Variants in PPRC1 observed in about 807,000 individuals in gnomAD.
The protein encoded by PPRC1 is peroxisome proliferator-activated receptor gamma coactivator-related protein 1.
In PPRC1, 23 loss-of-function variants were observed where a neutral mutation model predicts 132.5. The observed-to-expected ratio is 0.17, with a 90% CI of 0.12 to 0.25. The LOEUF is 0.25. PPRC1 is among the 10% of genes least tolerant of loss of function. PPRC1 has a pLI of 1.00. For synonymous variants in PPRC1, 872 were observed against 833.5 expected, an observed-to-expected ratio of 1.05 and a Z score of -0.80; for missense variants, 2,006 against 2,089.1, an observed-to-expected ratio of 0.96 and a Z score of 0.78.
rs2133625831 is a variant in PPRC1, at chr10:102,138,784, G to A, written c.489+19G>A. 9 of 1,614,106 alleles carry A rather than the reference G, an allele frequency of 5.6e-6. No individual in the cohort carries two copies. The highest frequency in any genetic ancestry group is 7.6e-6 in the Non-Finnish European group (9 of 1,179,962). ...CTCCTCTGTGAGTGTGGGACCAGGG[G>A]AAGGGGATTAGTACAAAGTTTAGAC... is the stretch of plus-strand genomic sequence containing the variant. On this transcript the variant is annotated intron_variant, in intron 3 of 13. Transcript: ENST00000278070.
At chr10:102,123,567 G>A in the PPRC1 span, among the ~76,000 whole-genome samples, 7 of 151,902 alleles carry the variant, frequency 4.6e-5, no homozygotes, top group African/African-American at 2.4e-5. Context: ...TTGCGCTGTC[G>A]CCCAAGCTGG....
In PPRC1 at chr10:102,141,567, G is replaced by C. The variant is rs1389539326; in HGVS notation, c.3059G>C (p.Gly1020Ala). The C allele has an allele frequency of 6.2e-7, 1 of 1,614,030 alleles. No individual in the cohort carries two copies. Among genetic ancestry groups the C allele is most frequent in the Non-Finnish European group, 8.5e-7 (1 of 1,179,970 alleles). ...AVPQPKMESR[G>A]TPAGPPENVL... Reference sequence around the variant, plus strand: ...CCCCAACCTAAAATGGAGTCTAGGGGCACTCCAGCTGGCCCTCCTGAAAAT... The same window carrying C: ...CCCCAACCTAAAATGGAGTCTAGGGCCACTCCAGCTGGCCCTCCTGAAAAT... The change falls in exon 5 of 14, where the codon GGC becomes GCC. Residue 1020 changes from glycine (G) to alanine (A), a missense_variant. Around this residue, in one of 2 missense-constraint regions of PPRC1, gnomAD observed 1,914 missense variants for 1,917.2 expected, o/e 1.00. Transcript: ENST00000278070.
chr10:102,125,002 C>T, the PPRC1 span, among the ~76,000 whole-genome samples: 19 of 152,138 alleles, frequency 1.2e-4, no homozygotes, highest in Middle Eastern at 3.4e-3. Flanking sequence ...AGGCTGGACT[C>T]GGACTCCTGG....
the PPRC1 span, among the ~76,000 whole-genome samples, chr10:102,123,016 C>T: frequency 1.3e-5 from 2 of 152,170 alleles, no homozygotes; most frequent in African/African-American, 4.8e-5. Flanking sequence ...CTAGTTAATG[C>T]TTCCTTAACA....
the PPRC1 span, among the ~76,000 whole-genome samples, chr10:102,121,338 C>G: frequency 3.3e-5 from 5 of 152,212 alleles, no homozygotes; most frequent in Non-Finnish European, 5.9e-5. Flanking sequence ...AGCTGCTGTC[C>G]TTTGAGGGCT....
intron 9 of PPRC1, 123 bp downstream of exon 9, chr10:102,147,515 CTT>C (rs2069316784): frequency 1.5e-6 from 2 of 1,322,236 alleles, no homozygotes; most frequent in Non-Finnish European, 1.0e-6. Context: ...CTATTTCTGA[CTT>C]TGGCTTTTGT....
At chr10:102,121,534 G>A in the PPRC1 span, among the ~76,000 whole-genome samples, 1 of 152,114 alleles carries the variant, frequency 6.6e-6, no homozygotes, top group African/African-American at 2.4e-5. Flanking sequence ...GCCCTAGGAG[G>A]GGAGGGGCTC....
In PPRC1 at chr10:102,144,437, C is replaced by T. The variant is rs558820274; in HGVS notation, c.3608+130C>T. On this transcript the variant is annotated intron_variant, in intron 7 of 13. Coordinates refer to ENST00000278070, the MANE Select transcript of PPRC1 (RefSeq NM_015062.5). ...CAGCTCTAGAGTCTTTCCCTGTTTC[C>T]CCACCCCTTACTCTGCCTATCACTA... 25 of 861,172 alleles carry T rather than the reference C, an allele frequency of 2.9e-5. No homozygotes were observed. The African/African-American group carries it at 4.2e-4, about 14-fold the overall frequency. 53.3% of individuals were successfully genotyped at this position (861,172 alleles called of 1,614,324 possible). A position where few individuals can be genotyped will look rare whatever the true frequency, so the allele number is the denominator to read the frequency against.
chr10:102,136,668 ATTG>A (rs1349850602), intron 1 of PPRC1, among the ~76,000 whole-genome samples: 1 of 151,940 alleles, frequency 6.6e-6, no homozygotes, highest in Non-Finnish European at 1.5e-5. Context: ...GTTGGTATGT[ATTG>A]TTTGTATCAA....
upstream of PPRC1, among the ~76,000 whole-genome samples, chr10:102,129,706 C>G (rs575548082): frequency 2.0e-5 from 3 of 152,090 alleles, no homozygotes; most frequent in Non-Finnish European, 4.4e-5. Flanking sequence ...CGGGTTCAAG[C>G]GATTCTCCCT....
the PPRC1 span, among the ~76,000 whole-genome samples, chr10:102,121,313 A>G: frequency 1.3e-5 from 2 of 150,506 alleles, no homozygotes; most frequent in Non-Finnish European, 1.5e-5. Flanking sequence ...ACCGCCTCCG[A>G]CCCCCCTGCC....
chr10:102,124,093 C>CT, the PPRC1 span, among the ~76,000 whole-genome samples: 1 of 149,842 alleles, frequency 6.7e-6, no homozygotes, highest in Non-Finnish European at 1.5e-5. Flanking sequence ...TAGACAGAGT[C>CT]TCGCTCTTGT....
chr10:102,131,909 C>T (rs1388322394), upstream of PPRC1, among the ~76,000 whole-genome samples: 6 of 152,216 alleles, frequency 3.9e-5, no homozygotes, highest in Non-Finnish European at 8.8e-5. Context: ...TCACCCACTT[C>T]AGCCTCCCAA....
Position 102,141,881 on chromosome 10 carries a change from A to G in PPRC1, c.3373A>G (p.Arg1125Gly). Residue 1125 changes from arginine (R) to glycine (G), a missense_variant, in exon 5 of 14, where the codon AGG becomes GGG. Arg to Gly is a moderately radical substitution (Grantham distance 125). Coordinates refer to ENST00000278070, the MANE Select transcript of PPRC1 (RefSeq NM_015062.5). Reference sequence around the variant, plus strand: ...TGCTACCAAGGCTGTTCCCACACCAAGGCAGAGCACTGTCCCCAAGCTGCC... The same window carrying G: ...TGCTACCAAGGCTGTTCCCACACCAGGGCAGAGCACTGTCCCCAAGCTGCC... ...LPATKAVPTPRQSTVPKLPAV... is the reference protein window; with the variant it reads ...LPATKAVPTPGQSTVPKLPAV... 6.2e-7 allele frequency: 1 copy of G among 1,614,160 alleles called. No individual in the cohort carries two copies. The highest frequency in any genetic ancestry group is 8.5e-7 in the Non-Finnish European group (1 of 1,180,020).
At position 102,140,332 on chromosome 10, in the gene PPRC1, C is replaced by T. The variant is rs184366358; in HGVS notation, c.1824C>T (p.Asp608=). 38 of 1,614,086 alleles carry T rather than the reference C, an allele frequency of 2.4e-5. No individual in the cohort carries two copies. The highest frequency in any genetic ancestry group is 3.3e-5 in the Admixed American group (2 of 60,006). ...TTCTAGCTGGCCCTGTACCTGTTGA[C>T]CCTGGGTTGGTTGACCTTGCTTCAA... ...GPVLAGPVPV[D]PGLVDLASTS... is the part of the protein sequence containing the mutation. The change falls in exon 5 of 14, where the codon GAC becomes GAT. Residue 608 remains aspartate (D), a synonymous_variant. Transcript: ENST00000278070.
Position 102,147,193 on chromosome 10 carries a change from T to G in PPRC1, c.4201T>G (p.Ser1401Ala). The change falls in exon 9 of 14, where the codon TCA becomes GCA. Residue 1401 changes from serine (S) to alanine (A), a missense_variant. This residue lies in a region of PPRC1 where 1,914 missense variants were observed against 1,917.2 expected (regional missense o/e 1.00). Transcript: ENST00000278070. ...CCCTGAACCCTCAGCCAAGCAGCGG[T>G]CAATGCGCTGTTACCGAAAAGCCTG... ...TPPEPSAKQR[S>A]MRCYRKACRS... 7 of 1,613,990 alleles carry G rather than the reference T, an allele frequency of 4.3e-6. No individual in the cohort carries two copies. The highest frequency in any genetic ancestry group is 5.9e-6 in the Non-Finnish European group (7 of 1,180,032).
At chr10:102,149,038 G>A in intron 12 of PPRC1, 100 bp downstream of exon 12, 19 of 1,544,244 alleles carry the variant, frequency 1.2e-5, no homozygotes, top group Non-Finnish European at 1.6e-5. Context: ...TGAGCAATAT[G>A]GGGCACCTTC....
In PPRC1 at chr10:102,141,706, G is replaced by A. The variant is rs147391687; in HGVS notation, c.3198G>A (p.Pro1066=). 214 of 1,613,888 alleles carry A rather than the reference G, an allele frequency of 1.3e-4. 1 individual carries two copies. The highest frequency in any genetic ancestry group is 3.2e-4 in the Admixed American group (19 of 59,986). ...AGCCAGTGCCTGCATCTCCCCATCCGAAACACAAGGTGTCTGCCCTGGTGC... is the reference window on the plus strand; with the variant it reads ...AGCCAGTGCCTGCATCTCCCCATCCAAAACACAAGGTGTCTGCCCTGGTGC... The part of the protein sequence containing the change: ...EVKPVPASPH[P]KHKVSALVQS... The change falls in exon 5 of 14, where the codon CCG becomes CCA. Residue 1066 remains proline (P), a synonymous_variant. Coordinates refer to ENST00000278070, the MANE Select transcript of PPRC1 (RefSeq NM_015062.5).
chr10:102,137,618 C>G (rs918874028), intron 1 of PPRC1, among the ~76,000 whole-genome samples: 20 of 152,084 alleles, frequency 1.3e-4, no homozygotes, highest in Non-Finnish European at 2.4e-4. Context: ...CTAGCTGTTT[C>G]TGGTTGGAGC....
Sources: gnomAD v4.1 joint callset for allele counts (sites outside exome capture counted in the v4.1 genomes callset) on GRCh38, gnomAD v4.1.1 for gene constraint, gnomAD v4.1.1 regional missense constraint, MANE v1.5 for transcripts, NCBI Gene and HGNC (gene_info 2026-07-23, HGNC 2026-07-21) for gene names.